The following KYNU variants were observed in gnomAD, a reference collection of about 807,000 sequenced individuals.
KYNU encodes the protein L-kynurenine hydrolase.
KYNU carries 54 observed loss-of-function variants against 59.2 expected under a neutral mutation model. The observed-to-expected ratio is 0.91, with a 90% CI of 0.73 to 1.14. The LOEUF (loss-of-function observed/expected upper bound fraction) is 1.14. Ranked by LOEUF, KYNU falls within the 50% of genes most tolerant of loss-of-function variation. KYNU has a pLI of 0.00. For synonymous variants in KYNU, 177 were observed against 192.0 expected, an observed-to-expected ratio of 0.92 and a Z score of 0.65; for missense variants, 567 against 554.4, an observed-to-expected ratio of 1.02 and a Z score of -0.23.
At position 143,043,915 on chromosome 2, in the gene KYNU, C is replaced by T. The variant is rs1279675896; in HGVS notation, c.*1743C>T. The stretch of plus-strand genomic sequence containing the variant: ...GTTTGTTACATAGGTATACATGTGC[C>T]GTGGTGGATTGCTGCACCCATCAAC... On this transcript the variant is annotated 3_prime_UTR_variant, in exon 14 of 14. Transcript: ENST00000264170. The T allele has an allele frequency of 6.6e-6, 1 of 150,794 alleles. No individual in the cohort carries two copies. The highest frequency in any genetic ancestry group is 1.5e-5 in the Non-Finnish European group (1 of 67,788). The allele number at this position is 150,794 out of a possible 1,614,324, so 9.3% of individuals were successfully genotyped here.
intron 8 of KYNU, among the ~76,000 whole-genome samples, chr2:142,980,464 GC>G (rs2105147043): frequency 6.6e-6 from 1 of 152,150 alleles, no homozygotes; most frequent in Non-Finnish European, 1.5e-5. Context: ...TTTTACCCAG[GC>G]CCTACTCAAG....
intron 4 of KYNU, among the ~76,000 whole-genome samples, chr2:142,944,018 G>A (rs1003330247): frequency 1.3e-5 from 2 of 152,170 alleles, no homozygotes; most frequent in Non-Finnish European, 2.9e-5. Context: ...TTGAAATTAT[G>A]TTAGGATTAA....
At position 142,974,493 on chromosome 2, in the gene KYNU, C is replaced by T. The variant is rs567978224; in HGVS notation, c.730-10591C>T. On this transcript the variant is annotated intron_variant, in intron 8 of 13. Coordinates refer to ENST00000264170, the MANE Select transcript of KYNU (RefSeq NM_003937.3). The stretch of plus-strand genomic sequence containing the variant: ...CTTTTGGCCTAGTAAATTGAGGTCC[C>T]AGTTTTTATTTTCCTTTCACACCAC... 6.6e-4 allele frequency among the ~76,000 whole-genome samples: 101 copies of T among 152,240 alleles called. 1 individual carries two copies. The highest frequency in any genetic ancestry group is 2.4e-3 in the African/African-American group (98 of 41,562).
rs1558990248 is a variant in KYNU at position 143,042,630 on chromosome 2, A to ATATGTG, written c.*459_*460insATGTGT. 10 of 118,062 alleles carry ATATGTG rather than the reference A, an allele frequency of 8.5e-5. No individual in the cohort carries two copies. Among genetic ancestry groups the ATATGTG allele is most frequent in the Non-Finnish European group, 6.5e-5 (4 of 61,180 alleles). The allele number at this position is 118,062 out of a possible 1,614,324, so 7.3% of individuals were successfully genotyped here. A position where few individuals can be genotyped will look rare whatever the true frequency, so the allele number is the denominator to read the frequency against. On this transcript the variant is annotated 3_prime_UTR_variant, in exon 14 of 14. Coordinates refer to ENST00000264170, the MANE Select transcript of KYNU (RefSeq NM_003937.3). ...TATATATATATATATATATATATAT[A>ATATGTG]TGTGTGTGTGTGTGTGTGTATATAT...
intron 4 of KYNU, among the ~76,000 whole-genome samples, chr2:142,948,445 A>G (rs1332486016): frequency 1.3e-5 from 2 of 152,240 alleles, no homozygotes; most frequent in African/African-American, 4.8e-5. Context: ...CATACCCAAG[A>G]CTGGGCAATT....
At chr2:143,033,938 A>T (rs898067535) in intron 12 of KYNU, among the ~76,000 whole-genome samples, 4 of 152,162 alleles carry the variant, frequency 2.6e-5, no homozygotes, top group Admixed American at 1.3e-4. Context: ...ATGTCCATTT[A>T]TAGTCTCCAC....
chr2:142,954,757 A>G, intron 4 of KYNU, 53 bp from the exon 5 acceptor site: 1 of 1,201,432 alleles, frequency 8.3e-7, no homozygotes, highest in Non-Finnish European at 1.2e-6. Context: ...TTGTTTTTTC[A>G]GTATCTTTAG....
chr2:143,001,706 G>T (rs991344616), intron 10 of KYNU, among the ~76,000 whole-genome samples: 2 of 152,120 alleles, frequency 1.3e-5, no homozygotes, highest in Non-Finnish European at 2.9e-5. Context: ...ATTATTTATT[G>T]AGCAGGACAT....
intron 8 of KYNU, among the ~76,000 whole-genome samples, chr2:142,976,924 A>C (rs1372500846): frequency 1.3e-5 from 2 of 151,982 alleles, no homozygotes; most frequent in Non-Finnish European, 2.9e-5. Context: ...GGTAGATTTG[A>C]AAATATTTTT....
intron 11 of KYNU, 63 bp downstream of exon 11, chr2:143,029,742 C>A: frequency 1.0e-6 from 1 of 996,488 alleles, no homozygotes; most frequent in South Asian, 1.3e-5. Flanking sequence ...GTTCATCTGT[C>A]TTTGTATTAT....
chr2:142,898,135 C>A (rs1357583568), intron 2 of KYNU, among the ~76,000 whole-genome samples: 1 of 152,172 alleles, frequency 6.6e-6, no homozygotes, highest in Non-Finnish European at 1.5e-5. Flanking sequence ...CCACCTTGGC[C>A]TCCCAAGGGG....
chr2:143,017,432 T>C (rs1686284327), intron 10 of KYNU, among the ~76,000 whole-genome samples: 1 of 85,382 alleles, frequency 1.2e-5, no homozygotes, highest in African/African-American at 5.0e-5. Flanking sequence ...TCTCTCTTTT[T>C]TCTTTTTTTT....
intron 12 of KYNU, among the ~76,000 whole-genome samples, chr2:143,036,323 C>T (rs1323559549): frequency 2.6e-5 from 4 of 152,076 alleles, no homozygotes; most frequent in Admixed American, 6.6e-5. Context: ...CTGACGTGTC[C>T]ACCCTACTGC....
At chr2:143,031,269 G>C (rs1414486217) in intron 11 of KYNU, among the ~76,000 whole-genome samples, 1 of 152,012 alleles carries the variant, frequency 6.6e-6, no homozygotes, top group African/African-American at 2.4e-5. Context: ...ATTTGATCAG[G>C]GGTAGCAAAC....
intron 10 of KYNU, among the ~76,000 whole-genome samples, chr2:142,995,564 C>A (rs1011022622): frequency 6.6e-6 from 1 of 152,038 alleles, no homozygotes; most frequent in Non-Finnish European, 1.5e-5. Context: ...TGATAGAGAT[C>A]TTTTTAAACT....
chr2:142,894,238 A>C (rs551772243), intron 2 of KYNU, among the ~76,000 whole-genome samples: 1 of 152,254 alleles, frequency 6.6e-6, no homozygotes, highest in East Asian at 1.9e-4. Context: ...GTGATCCTAC[A>C]TTTTTCTCCA....
Position 142,920,650 on chromosome 2 carries a change from C to A in KYNU, c.290+1921C>A, listed in dbSNP as rs111617605. On this transcript the variant is annotated intron_variant, in intron 3 of 13. Coordinates refer to ENST00000264170, the MANE Select transcript of KYNU (RefSeq NM_003937.3). The stretch of plus-strand genomic sequence containing the variant: ...TCATCATTTTAATTAAACCTTCTTA[C>A]TGAGTTTTCATTAGACAGATGATTC... Among the ~76,000 whole-genome samples the A allele has an allele frequency of 7.6e-3, 1,163 of 152,282 alleles. 8 individuals carry two copies. The highest frequency in any genetic ancestry group is 0.027 in the African/African-American group (1,115 of 41,556).
rs1223283785 is a variant in KYNU at position 142,990,461 on chromosome 2, T to G, written c.902+4440T>G. On this transcript the variant is annotated intron_variant, in intron 10 of 13. Transcript: ENST00000264170. ...TGTGAATCCTTTAAAAGGATTCTTC[T>G]GTAAGAGCCCATACATTGCGATTTA... Among the ~76,000 whole-genome samples the G allele has an allele frequency of 3.3e-5, 5 of 152,010 alleles. No individual in the cohort carries two copies. In the East Asian group the frequency reaches 7.8e-4, roughly 24 times the overall value.
intron 8 of KYNU, among the ~76,000 whole-genome samples, chr2:142,964,364 T>A (rs1362940756): frequency 6.6e-6 from 1 of 152,162 alleles, no homozygotes; most frequent in African/African-American, 2.4e-5. Context: ...TTCTAATCAA[T>A]AATGCCAATC....
Sources: gnomAD v4.1 joint callset for allele counts (sites outside exome capture counted in the v4.1 genomes callset) on GRCh38, gnomAD v4.1.1 for gene constraint, MANE v1.5 for transcripts, NCBI Gene and HGNC (gene_info 2026-07-23, HGNC 2026-07-21) for gene names.